The following TRDN variants were observed in gnomAD, a reference collection of about 807,000 sequenced individuals.
TRDN encodes the protein triadin in skeletal muscle.
In TRDN, 161 loss-of-function variants were observed where a neutral mutation model predicts 149.7. That is an observed-to-expected ratio of 1.08 (90% CI 0.95 to 1.23). TRDN has a LOEUF of 1.23. Ranked by LOEUF, TRDN falls within the 50% of genes most tolerant of loss-of-function variation. TRDN has a pLI of 0.00. For missense variants in TRDN, 896 were observed against 823.5 expected (o/e 1.09, Z -1.08); for synonymous variants, 294 against 250.5 (o/e 1.17, Z -1.64).
At chr6:123,259,300 A>G (rs1019868683) in intron 35 of TRDN, among the ~76,000 whole-genome samples, 1 of 152,070 alleles carries the variant, frequency 6.6e-6, no homozygotes, top group Admixed American at 6.6e-5. Context: ...AAGTCTTCTT[A>G]AGGTGAGGAA....
At chr6:123,411,872 A>G (rs1773454472) in intron 12 of TRDN, 1 of 152,272 alleles carries the variant, frequency 6.6e-6, no homozygotes, top group African/African-American at 2.4e-5. Flanking sequence ...GTAAGAGCAG[A>G]ACTCACAGAG....
At chr6:123,236,563 A>G (rs1775795939) in intron 38 of TRDN, among the ~76,000 whole-genome samples, 1 of 152,160 alleles carries the variant, frequency 6.6e-6, no homozygotes, top group African/African-American at 2.4e-5. Flanking sequence ...TAAAAGTTTG[A>G]TAATTTCATG....
At chr6:123,604,361 G>A (rs946817086) in intron 1 of TRDN, among the ~76,000 whole-genome samples, 2 of 152,240 alleles carry the variant, frequency 1.3e-5, no homozygotes, top group Non-Finnish European at 2.9e-5. Context: ...CATTGCCGGA[G>A]GCAAAGACAC....
chr6:123,409,690 TACACACAC>T (rs5879677), intron 12 of TRDN, among the ~76,000 whole-genome samples: 1 of 149,302 alleles, frequency 6.7e-6, no homozygotes, highest in African/African-American at 2.5e-5. Flanking sequence ...TAATGTAATT[TACACACAC>T]ACACACACAC....
intron 12 of TRDN, among the ~76,000 whole-genome samples, chr6:123,402,135 G>A (rs1773005593): frequency 6.6e-6 from 1 of 152,126 alleles, no homozygotes; most frequent in African/African-American, 2.4e-5. Context: ...AAGGCCATTG[G>A]CCTGAGGCTG....
At chr6:123,247,177 C>A (rs1370003639) in intron 38 of TRDN, among the ~76,000 whole-genome samples, 1 of 152,188 alleles carries the variant, frequency 6.6e-6, no homozygotes, top group East Asian at 1.9e-4. Context: ...GAAGCATTCC[C>A]TTTGAAAACT....
chr6:123,475,007 CA>C (rs1190767752), intron 9 of TRDN, among the ~76,000 whole-genome samples: 5 of 151,950 alleles, frequency 3.3e-5, no homozygotes, highest in African/African-American at 4.8e-5. Context: ...ACTAGAAAAG[CA>C]AGAGCAAACA....
intron 12 of TRDN, among the ~76,000 whole-genome samples, chr6:123,414,337 G>C (rs547729109): frequency 6.6e-6 from 1 of 151,976 alleles, no homozygotes; most frequent in African/African-American, 2.4e-5. Flanking sequence ...TAACGAGAAC[G>C]TACTCCATAG....
chr6:123,545,606 T>C (rs1462255908), intron 4 of TRDN, among the ~76,000 whole-genome samples: 1 of 151,874 alleles, frequency 6.6e-6, no homozygotes, highest in Admixed American at 6.6e-5. Flanking sequence ...TATATTCAGG[T>C]GATTTAAAGT....
At position 123,218,574 on chromosome 6, in the gene TRDN, G is replaced by A. The variant is rs1562214807; in HGVS notation, c.*27C>T. The A allele has an allele frequency of 6.3e-7, 1 of 1,586,518 alleles. No homozygotes were observed. The highest frequency in any genetic ancestry group is 2.3e-5 in the East Asian group (1 of 44,418). On this transcript the variant is annotated 3_prime_UTR_variant, in exon 41 of 41. Transcript: ENST00000334268. Reference sequence around the variant, plus strand: ...AACATCACATTTTTAAAATCTTAAAGCACTTGTAAGGGTCATACATGTGTG... The same window carrying A: ...AACATCACATTTTTAAAATCTTAAAACACTTGTAAGGGTCATACATGTGTG...
intron 22 of TRDN, among the ~76,000 whole-genome samples, chr6:123,336,795 A>T (rs1161303653): frequency 6.6e-6 from 1 of 151,084 alleles, no homozygotes; most frequent in Non-Finnish European, 1.5e-5. Flanking sequence ...AATTTTAGTT[A>T]ATTTATTATA....
chr6:123,283,916 T>C (rs538033694), intron 24 of TRDN, among the ~76,000 whole-genome samples: 3 of 142,916 alleles, frequency 2.1e-5, no homozygotes, highest in South Asian at 4.4e-4. Flanking sequence ...TTTTTTTTCA[T>C]TGGTAATTTT....
At chr6:123,575,165 G>T (rs1290511483) in intron 1 of TRDN, among the ~76,000 whole-genome samples, 1 of 151,378 alleles carries the variant, frequency 6.6e-6, no homozygotes, top group Non-Finnish European at 1.5e-5. Context: ...ATGACTCAAA[G>T]ATACTGAAAA....
At chr6:123,305,634 T>C (rs1460101040) in intron 24 of TRDN, among the ~76,000 whole-genome samples, 1 of 152,144 alleles carries the variant, frequency 6.6e-6, no homozygotes, top group Non-Finnish European at 1.5e-5. Flanking sequence ...GTTTCTGTTT[T>C]CCACATGAAA....
intron 19 of TRDN, among the ~76,000 whole-genome samples, chr6:123,372,457 A>G (rs1284758704): frequency 6.6e-6 from 1 of 152,190 alleles, no homozygotes; most frequent in Non-Finnish European, 1.5e-5. Flanking sequence ...TATTAGATCC[A>G]GAGCTAAAAA....
intron 10 of TRDN, among the ~76,000 whole-genome samples, chr6:123,443,574 C>T (rs12213453): frequency 0.15 from 22,688 of 151,782 alleles, 2,405 homozygotes; most frequent in African/African-American, 0.3. Context: ...AGGTGGATCA[C>T]GAGGTCAGGA....
chr6:123,540,672 C>T (rs1323267003), intron 4 of TRDN, among the ~76,000 whole-genome samples: 2 of 152,178 alleles, frequency 1.3e-5, no homozygotes, highest in African/African-American at 2.4e-5. Flanking sequence ...GCGCCCGCCA[C>T]GACGCCTGGC....
chr6:123,530,658 A>G, intron 4 of TRDN, 93 bp from the exon 5 acceptor site: 2 of 759,250 alleles, frequency 2.6e-6, no homozygotes, highest in South Asian at 5.4e-5. Context: ...CCTACCACAA[A>G]GTTTAAATTA....
chr6:123,223,675 TCCTTCCTTC>T (rs1562217476), intron 39 of TRDN, among the ~76,000 whole-genome samples: 224 of 103,336 alleles, frequency 2.2e-3, no homozygotes, highest in African/African-American at 0.012. Flanking sequence ...TTCCATTTCT[TCCTTCCTTC>T]CTTCCTTCCT....
Sources: gnomAD v4.1 joint callset for allele counts (sites outside exome capture counted in the v4.1 genomes callset) on GRCh38, gnomAD v4.1.1 for gene constraint, MANE v1.5 for transcripts, NCBI Gene and HGNC (gene_info 2026-07-23, HGNC 2026-07-21) for gene names.